The following GLUD1 variants were observed in gnomAD, a reference collection of about 807,000 sequenced individuals.
GLUD1 encodes the protein glutamate dehydrogenase 1, mitochondrial.
Under a neutral mutation model 56.0 loss-of-function variants are expected in GLUD1, and 22 were observed. The ratio of observed to expected loss-of-function variants is 0.39; its 90% CI spans 0.28 to 0.56. The LOEUF is 0.56. Among genes scored for constraint, GLUD1 ranks in the 20% least tolerant of loss-of-function variants. The probability of loss-of-function intolerance (pLI) is 0.58; values close to 1 mark genes in which losing one functional copy is unlikely to be tolerated. For synonymous variants in GLUD1, 223 were observed against 269.9 expected (o/e 0.83, Z 1.70); for missense variants, 451 against 732.0 (o/e 0.62, Z 4.43).
chr10:87,056,532 T>C (rs1051079868), intron 11 of GLUD1, among the ~76,000 whole-genome samples: 1 of 152,122 alleles, frequency 6.6e-6, no homozygotes, highest in African/African-American at 2.4e-5. Flanking sequence ...TGAACTCAGG[T>C]GAGCCACCTG....
At chr10:87,069,972 C>A (rs1846187154) in intron 4 of GLUD1, among the ~76,000 whole-genome samples, 2 of 152,250 alleles carry the variant, frequency 1.3e-5, no homozygotes, top group African/African-American at 4.8e-5. Context: ...CTCTGGCGCT[C>A]TCCAGCTCCT....
chr10:87,089,685 C>T, intron 1 of GLUD1: 2 of 981,742 alleles, frequency 2.0e-6, no homozygotes, highest in Non-Finnish European at 2.4e-6. Context: ...CCTAGTTTGT[C>T]TTCTTGTCCT....
At chr10:87,062,488 A>C (rs1335744821) in intron 6 of GLUD1, among the ~76,000 whole-genome samples, 168 bp downstream of exon 6, 1 of 152,224 alleles carries the variant, frequency 6.6e-6, no homozygotes, top group Non-Finnish European at 1.5e-5. Context: ...AGTTACATGA[A>C]TCATACCAAG....
chr10:87,094,131 C>T lies in GLUD1; in HGVS notation c.445+194G>A, dbSNP rs1841638532. 2 of 1,459,564 alleles carry T rather than the reference C, an allele frequency of 1.4e-6. No individual in the cohort carries two copies. Among genetic ancestry groups the T allele is most frequent in the South Asian group, 1.3e-5 (1 of 76,254 alleles). 90.4% of individuals were successfully genotyped at this position (1,459,564 alleles called of 1,614,324 possible). On this transcript the variant is annotated intron_variant, in intron 1 of 12. Transcript: ENST00000277865. The surrounding 1 kb of genome is among the most constrained non-coding windows in gnomAD (Gnocchi z 6.6). ...CGCGGGGGAGGGGGCAGGCCAATCG[C>T]ATGATGATTTTAAGGCGGAAAAATC...
chr10:87,073,577 C>G (rs1373303578), intron 4 of GLUD1, among the ~76,000 whole-genome samples: 1 of 144,380 alleles, frequency 6.9e-6, no homozygotes, highest in Non-Finnish European at 1.5e-5. Flanking sequence ...ATTGATAGGA[C>G]AAGTATTCTA....
chr10:87,085,299 T>C (rs564250325), intron 1 of GLUD1, among the ~76,000 whole-genome samples: 8 of 149,750 alleles, frequency 5.3e-5, no homozygotes, highest in South Asian at 2.1e-4. Flanking sequence ...TGAGTGGAGA[T>C]TGCACCATTG....
In GLUD1 at chr10:87,051,688, C is replaced by T; in HGVS notation, c.*63G>A. 3 of 1,570,520 alleles carry T rather than the reference C, an allele frequency of 1.9e-6. No homozygotes were observed. The highest frequency in any genetic ancestry group is 2.6e-6 in the Non-Finnish European group (3 of 1,142,152). On this transcript the variant is annotated 3_prime_UTR_variant, in exon 13 of 13. Transcript: ENST00000277865. ...AGGGATTTCTGTGGTTACATGTAAA[C>T]TTGTGATAGGTCTGCAGAAGTTACA...
chr10:87,087,103 G>A (rs1451658271), intron 1 of GLUD1, among the ~76,000 whole-genome samples: 2 of 152,168 alleles, frequency 1.3e-5, no homozygotes, highest in African/African-American at 4.8e-5. Context: ...CTACCAACCA[G>A]GGGGTTCCCA....
chr10:87,061,888 A>G (rs1229951486), intron 6 of GLUD1, among the ~76,000 whole-genome samples: 1 of 152,008 alleles, frequency 6.6e-6, no homozygotes, highest in Non-Finnish European at 1.5e-5. Flanking sequence ...GGTTCAAGTG[A>G]TTCTCCTGCG....
Position 87,094,663 on chromosome 10 carries a change from T to A in GLUD1, c.107A>T (p.Gln36Leu). The A allele has an allele frequency of 6.4e-7, 1 of 1,571,202 alleles. No homozygotes were observed. Among genetic ancestry groups the A allele is most frequent in the Non-Finnish European group, 8.6e-7 (1 of 1,158,576 alleles). ...SAALLGWARG[Q>L]PAAAPQPGLA... is the part of the protein sequence containing the mutation. Reference sequence around the variant, plus strand: ...CCCCGGCTGCGGGGCGGCGGCGGGCTGTCCCCGGGCCCAGCCCAGCAACGC... The same window carrying A: ...CCCCGGCTGCGGGGCGGCGGCGGGCAGTCCCCGGGCCCAGCCCAGCAACGC... Residue 36 changes from glutamine (Q) to leucine (L), a missense_variant, in exon 1 of 13, where the codon CAG (glutamine) becomes CTG (leucine). This residue lies in a region of GLUD1 where 158 missense variants were observed against 189.7 expected (regional missense o/e 0.83). Transcript: ENST00000277865. This position sits in a 1 kb window ranked among gnomAD's most constrained non-coding sequence, Gnocchi z 6.6.
intron 1 of GLUD1, among the ~76,000 whole-genome samples, chr10:87,081,268 A>G (rs1841242449): frequency 7.2e-6 from 1 of 138,790 alleles, no homozygotes; most frequent in Non-Finnish European, 1.5e-5. Context: ...GGCTGCCCCT[A>G]CTGGGAAGTG....
At chr10:87,081,681 G>T (rs1282118605) in intron 1 of GLUD1, among the ~76,000 whole-genome samples, 1 of 152,104 alleles carries the variant, frequency 6.6e-6, no homozygotes, top group Non-Finnish European at 1.5e-5. Flanking sequence ...CATGTGCTGT[G>T]TCCACTCAGG....
chr10:87,054,241 T>C (rs1394657901), intron 11 of GLUD1, among the ~76,000 whole-genome samples: 1 of 152,172 alleles, frequency 6.6e-6, no homozygotes, highest in African/African-American at 2.4e-5. Flanking sequence ...AATTCTGTTC[T>C]CACAGACTTT....
rs1249425331 is a variant in GLUD1, at chr10:87,094,236, C to T, written c.445+89G>A. ...CCCGCTCCAGCTGGGCTGGGCTGGG[C>T]TGAGCAGCGGCCCCGCACCGGCAGG... On this transcript the variant is annotated intron_variant, in intron 1 of 12. Transcript: ENST00000277865. The surrounding 1 kb of genome is among the most constrained non-coding windows in gnomAD (Gnocchi z 6.6). The T allele has an allele frequency of 6.7e-7, 1 of 1,496,660 alleles. No individual in the cohort carries two copies. Among genetic ancestry groups the T allele is most frequent in the Admixed American group, 2.0e-5 (1 of 49,628 alleles). 92.7% of individuals were successfully genotyped at this position (1,496,660 alleles called of 1,614,324 possible).
intron 1 of GLUD1, among the ~76,000 whole-genome samples, chr10:87,079,556 G>A (rs1336568720): frequency 6.6e-6 from 1 of 152,222 alleles, no homozygotes; most frequent in Non-Finnish European, 1.5e-5. Flanking sequence ...ACTAAGCCAG[G>A]GAAATGGTAA....
chr10:87,065,916 A>C (rs1298166052), intron 5 of GLUD1, among the ~76,000 whole-genome samples: 1 of 152,154 alleles, frequency 6.6e-6, no homozygotes, highest in East Asian at 1.9e-4. Flanking sequence ...GTTGGACTTC[A>C]GGTGGTCTGC....
chr10:87,093,636 C>G (rs1215557989), intron 1 of GLUD1, among the ~76,000 whole-genome samples: 2 of 152,226 alleles, frequency 1.3e-5, no homozygotes, highest in Non-Finnish European at 2.9e-5. Flanking sequence ...AGCCTACAAC[C>G]TGTAAATTTA....
intron 12 of GLUD1, 37 bp downstream of exon 12, chr10:87,053,305 T>G (rs1352074347): frequency 6.9e-7 from 1 of 1,448,932 alleles, no homozygotes; most frequent in Admixed American, 1.7e-5. Context: ...GCACTTCATG[T>G]GACTAGCTGG....
At chr10:87,093,972 A>G (rs1307911679) in intron 1 of GLUD1, 5 of 1,406,984 alleles carry the variant, frequency 3.6e-6, no homozygotes, top group Middle Eastern at 1.9e-4. Context: ...TCACACGGGC[A>G]GGTCATTCCC....
Sources: allele counts gnomAD v4.1 joint callset (sites outside exome capture counted in the v4.1 genomes callset), GRCh38; gene constraint gnomAD v4.1.1; regional missense constraint gnomAD v4.1.1; non-coding constraint Gnocchi (gnomAD v3.1); transcripts MANE v1.5; gene names NCBI Gene and HGNC (gene_info 2026-07-23, HGNC 2026-07-21).